Variants in UBTD2 observed in about 807,000 individuals in gnomAD.
The protein encoded by UBTD2 is ubiquitin domain containing 2.
Under a neutral mutation model 19.8 loss-of-function variants are expected in UBTD2, and 9 were observed. That is an observed-to-expected ratio of 0.46 (90% CI 0.27 to 0.79). UBTD2 has a LOEUF of 0.79. Among genes scored for constraint, UBTD2 ranks in the 30% least tolerant of loss-of-function variants. UBTD2 has a pLI of 0.14. For synonymous variants in UBTD2, 98 were observed against 103.9 expected (o/e 0.94, Z 0.35); for missense variants, 250 against 300.4 (o/e 0.83, Z 1.24).
intron 1 of UBTD2, among the ~76,000 whole-genome samples, chr5:172,244,636 G>A (rs1184491001): frequency 6.6e-6 from 1 of 151,960 alleles, no homozygotes; most frequent in Non-Finnish European, 1.5e-5. Flanking sequence ...TGGACATTTG[G>A]TGCAGGTCAA....
intron 1 of UBTD2, among the ~76,000 whole-genome samples, chr5:172,250,200 C>T (rs1754969803): frequency 6.6e-6 from 1 of 151,924 alleles, no homozygotes; most frequent in Non-Finnish European, 1.5e-5. Flanking sequence ...TCCATGCAAC[C>T]CAGCCTGGGT....
chr5:172,220,528 G>A (rs570807439), intron 2 of UBTD2, among the ~76,000 whole-genome samples: 4 of 152,276 alleles, frequency 2.6e-5, no homozygotes, highest in South Asian at 2.1e-4. Flanking sequence ...CCAGCTATTC[G>A]GGAAGTTGAG....
chr5:172,256,906 G>A (rs1235103589), intron 1 of UBTD2, among the ~76,000 whole-genome samples: 1 of 152,136 alleles, frequency 6.6e-6, no homozygotes, highest in Non-Finnish European at 1.5e-5. Flanking sequence ...CGATAACAGC[G>A]AGACTCCATC....
At chr5:172,271,062 C>T (rs1755479956) in intron 1 of UBTD2, among the ~76,000 whole-genome samples, 1 of 152,078 alleles carries the variant, frequency 6.6e-6, no homozygotes, top group African/African-American at 2.4e-5. Context: ...TTTTTCGTAT[C>T]TCTGTACAAG....
At chr5:172,233,956 C>T (rs911000839) in intron 2 of UBTD2, among the ~76,000 whole-genome samples, 166 bp downstream of exon 2, 8 of 151,750 alleles carry the variant, frequency 5.3e-5, no homozygotes, top group African/African-American at 1.7e-4. Flanking sequence ...AACCTGTCTC[C>T]AGCTGAAAGA....
intron 1 of UBTD2, among the ~76,000 whole-genome samples, chr5:172,262,468 A>AAAAAAAAAAAAT (rs763651049): frequency 1.4e-5 from 2 of 143,116 alleles, no homozygotes; most frequent in African/African-American, 2.6e-5. Context: ...AAAAAAAAAA[A>AAAAAAAAAAAAT]CAAGAAAATG....
Position 172,210,259 on chromosome 5 carries a change from CCATTTAAACATTA to C in UBTD2, c.*1558_*1570del, listed in dbSNP as rs1431713215. Reference sequence around the variant, plus strand: ...TAATCAGGCAATAGGAAATTCAATACCATTTAAACATTACATTTAAACTAATTAGCAGTTTCAT... The same window carrying C: ...TAATCAGGCAATAGGAAATTCAATACCATTTAAACTAATTAGCAGTTTCAT... On this transcript the variant is annotated 3_prime_UTR_variant, in exon 3 of 3. Transcript: ENST00000393792. 6.6e-6 allele frequency: 1 copy of C among 152,164 alleles called. No individual in the cohort carries two copies. Among genetic ancestry groups the C allele is most frequent in the Non-Finnish European group, 1.5e-5 (1 of 68,026 alleles). The allele number at this position is 152,164 out of a possible 1,614,324, so 9.4% of individuals were successfully genotyped here.
chr5:172,239,543 C>T (rs1772080922), intron 1 of UBTD2, among the ~76,000 whole-genome samples: 1 of 151,982 alleles, frequency 6.6e-6, no homozygotes, highest in Non-Finnish European at 1.5e-5. Context: ...GCCTCAGCCT[C>T]CCGAGTAGCC....
chr5:172,275,352 G>GA (rs1755586662), intron 1 of UBTD2, among the ~76,000 whole-genome samples: 1 of 152,268 alleles, frequency 6.6e-6, no homozygotes, highest in South Asian at 2.1e-4. Context: ...AATTCAGGAT[G>GA]AGATTTGGGT....
In UBTD2 at chr5:172,211,956, C is replaced by A. The variant is rs200270425; in HGVS notation, c.579G>T (p.Arg193=). The change falls in exon 3 of 3, where the codon CGG becomes CGT. Residue 193 remains arginine (R), a synonymous_variant. Coordinates refer to ENST00000393792, the MANE Select transcript of UBTD2 (RefSeq NM_152277.3). ...TGAGAGGTCTGCCAGAAAAAAACCA[C>A]CGCTGACTACCTGGTTCCACTCCCT... ...AAEGVEPGSQ[R]WFFSGRPLTD... 4.3e-6 allele frequency: 7 copies of A among 1,614,176 alleles called. No homozygotes were observed. Among genetic ancestry groups the A allele is most frequent in the Non-Finnish European group, 5.9e-6 (7 of 1,180,032 alleles).
intron 1 of UBTD2, among the ~76,000 whole-genome samples, chr5:172,262,381 C>T (rs1023605543): frequency 7.7e-6 from 1 of 130,708 alleles, no homozygotes; most frequent in African/African-American, 3.0e-5. Context: ...ACCTGGGAGG[C>T]AGAGGTTGCA....
At chr5:172,254,881 G>A (rs982246323) in intron 1 of UBTD2, 17 of 498,774 alleles carry the variant, frequency 3.4e-5, no homozygotes, top group Non-Finnish European at 6.0e-5. Flanking sequence ...TGCTACTACT[G>A]GAATTTTTCA....
chr5:172,265,521 A>G (rs1312380861), intron 1 of UBTD2, among the ~76,000 whole-genome samples: 1 of 152,030 alleles, frequency 6.6e-6, no homozygotes, highest in Non-Finnish European at 1.5e-5. Context: ...TAGTAGAGAC[A>G]GGTTTCACTG....
chr5:172,263,742 G>C (rs1308188081), intron 1 of UBTD2, among the ~76,000 whole-genome samples: 2 of 152,070 alleles, frequency 1.3e-5, no homozygotes, highest in Non-Finnish European at 2.9e-5. Context: ...TCAGTGAGCC[G>C]AGATCGCGCC....
chr5:172,269,739 T>TAA (rs376285062), intron 1 of UBTD2, among the ~76,000 whole-genome samples: 1,319 of 114,174 alleles, frequency 0.012, 12 homozygotes, highest in African/African-American at 0.027. Context: ...CATGTGCATG[T>TAA]AAAAAAAAAA....
At chr5:172,281,428 G>C (rs1031959732) in intron 1 of UBTD2, among the ~76,000 whole-genome samples, 2 of 152,162 alleles carry the variant, frequency 1.3e-5, no homozygotes, top group African/African-American at 2.4e-5. Flanking sequence ...GTACCTGGGA[G>C]GTCAAGGCTG....
intron 1 of UBTD2, chr5:172,255,269 C>T (rs951737542): frequency 6.5e-6 from 3 of 458,892 alleles, no homozygotes; most frequent in Admixed American, 2.5e-5. Context: ...ATCTGTATTC[C>T]ATGCCACAGG....
Position 172,236,525 on chromosome 5 carries a change from C to A in UBTD2, c.71-2167G>T, listed in dbSNP as rs149668196. On this transcript the variant is annotated intron_variant, in intron 1 of 2. Transcript: ENST00000393792. ...AGATGTTCAGAATCTGGTCTGATAA[C>A]CACAACCCACTGATTGCACCAACAC... is the stretch of plus-strand genomic sequence containing the variant. Among the ~76,000 whole-genome samples, 4 of 152,322 alleles carry A rather than the reference C, an allele frequency of 2.6e-5. No individual in the cohort carries two copies. In the East Asian group the frequency reaches 7.7e-4, roughly 29 times the overall value.
intron 1 of UBTD2, among the ~76,000 whole-genome samples, chr5:172,244,420 C>T (rs1057078245): frequency 3.3e-5 from 5 of 151,570 alleles, no homozygotes; most frequent in African/African-American, 9.7e-5. Flanking sequence ...CCTCAGCCTC[C>T]GGGGTAGCTG....
Sources: gnomAD v4.1 joint callset for allele counts (sites outside exome capture counted in the v4.1 genomes callset) on GRCh38, gnomAD v4.1.1 for gene constraint, MANE v1.5 for transcripts, NCBI Gene and HGNC (gene_info 2026-07-23, HGNC 2026-07-21) for gene names.